PLXDC2: variants seen among roughly 807,000 people sequenced by gnomAD.
PLXDC2 encodes the protein plexin domain containing 2.
PLXDC2 carries 40 observed loss-of-function variants against 68.9 expected under a neutral mutation model. The observed-to-expected ratio is 0.58, with a 90% confidence interval of 0.45 to 0.76. The LOEUF (loss-of-function observed/expected upper bound fraction) is 0.76, where lower values mean the gene tolerates loss of function less well. Among genes scored for constraint, PLXDC2 ranks in the 30% least tolerant of loss-of-function variants. The pLI is 0.00. For missense variants in PLXDC2, 644 were observed against 661.9 expected (o/e 0.97, Z 0.30); for synonymous variants, 243 against 234.2 (o/e 1.04, Z -0.34).
At chr10:20,020,771 C>A (rs983632454) in intron 2 of PLXDC2, among the ~76,000 whole-genome samples, 34 of 152,120 alleles carry the variant, frequency 2.2e-4, no homozygotes, top group African/African-American at 8.2e-4. Flanking sequence ...ACATTAATGC[C>A]TGATGAGAAA....
chr10:19,931,391 C>A (rs1016405985), intron 1 of PLXDC2, among the ~76,000 whole-genome samples: 1 of 152,168 alleles, frequency 6.6e-6, no homozygotes, highest in Non-Finnish European at 1.5e-5. Flanking sequence ...AAGCTTCAGC[C>A]CAACAGCTGT....
At chr10:19,818,367 G>A (rs1836398189) in intron 1 of PLXDC2, among the ~76,000 whole-genome samples, 1 of 151,684 alleles carries the variant, frequency 6.6e-6, no homozygotes, top group Non-Finnish European at 1.5e-5. Context: ...GGGATTCCAG[G>A]CAAGGTGAAT....
At chr10:19,967,845 C>T (rs900114123) in intron 1 of PLXDC2, among the ~76,000 whole-genome samples, 1 of 152,170 alleles carries the variant, frequency 6.6e-6, no homozygotes, top group Non-Finnish European at 1.5e-5. Flanking sequence ...ATCAAAGATG[C>T]ATCCTAATTA....
chr10:19,926,720 A>G (rs1342287119), intron 1 of PLXDC2, among the ~76,000 whole-genome samples: 6 of 152,210 alleles, frequency 3.9e-5, no homozygotes, highest in African/African-American at 1.4e-4. Flanking sequence ...CCTTGGAGAA[A>G]TGTATAGAAG....
At chr10:20,262,831 CA>C (rs1348905423) in intron 13 of PLXDC2, among the ~76,000 whole-genome samples, 1 of 152,218 alleles carries the variant, frequency 6.6e-6, no homozygotes, top group Non-Finnish European at 1.5e-5. Context: ...AGGTGGGGCC[CA>C]TTCCCATATC....
intron 2 of PLXDC2, among the ~76,000 whole-genome samples, chr10:20,023,692 T>C (rs550899779): frequency 6.6e-6 from 1 of 152,294 alleles, no homozygotes; most frequent in African/African-American, 2.4e-5. Context: ...TGTGGTATTC[T>C]GTTATAGCAG....
intron 1 of PLXDC2, among the ~76,000 whole-genome samples, chr10:19,914,169 T>G (rs560720229): frequency 6.6e-6 from 1 of 150,838 alleles, no homozygotes; most frequent in African/African-American, 2.4e-5. Flanking sequence ...AAAGAAGGAA[T>G]ACATCAAGTG....
rs568031419 is a variant in PLXDC2 at position 20,128,060 on chromosome 10, A to G, written c.542-15235A>G. Reference sequence around the variant, plus strand: ...CCAGGGGGAACCAACACTCACAAACATGGAAGTGGAATAACTGTCTTCTAG... The same window carrying G: ...CCAGGGGGAACCAACACTCACAAACGTGGAAGTGGAATAACTGTCTTCTAG... On this transcript the variant is annotated intron_variant, in intron 4 of 13. Coordinates refer to ENST00000377252, the MANE Select transcript of PLXDC2 (RefSeq NM_032812.9). 2.6e-5 allele frequency among the ~76,000 whole-genome samples: 4 copies of G among 152,264 alleles called. No individual in the cohort carries two copies. In the East Asian group the frequency reaches 7.7e-4, roughly 29 times the overall value.
intron 6 of PLXDC2, among the ~76,000 whole-genome samples, chr10:20,149,287 G>A (rs1269742932): frequency 7.5e-6 from 1 of 132,766 alleles, no homozygotes; most frequent in Non-Finnish European, 1.5e-5. Flanking sequence ...TGCCCAGGCT[G>A]GAGTGCAATG....
intron 13 of PLXDC2, among the ~76,000 whole-genome samples, chr10:20,250,084 A>G (rs975107691): frequency 5.3e-5 from 8 of 152,092 alleles, no homozygotes; most frequent in African/African-American, 1.9e-4. Flanking sequence ...TTTGACCAAC[A>G]TGGTGAAACC....
chr10:20,199,089 A>G (rs1373190149), intron 9 of PLXDC2, among the ~76,000 whole-genome samples: 1 of 152,094 alleles, frequency 6.6e-6, no homozygotes, highest in African/African-American at 2.4e-5. Flanking sequence ...TAACTAAAAC[A>G]TAGTCAAATA....
At chr10:20,238,668 T>TATATATGTATATATATATATATACACAC (rs760904961) in intron 12 of PLXDC2, among the ~76,000 whole-genome samples, 145 of 96,760 alleles carry the variant, frequency 1.5e-3, no homozygotes, top group African/African-American at 5.2e-3. Flanking sequence ...AAAAAATATA[T>TATATATGTATATATATATATATACACAC]ATATATATGT....
chr10:19,869,474 G>A (rs1490672617), intron 1 of PLXDC2, among the ~76,000 whole-genome samples: 3 of 126,368 alleles, frequency 2.4e-5, no homozygotes, highest in Non-Finnish European at 5.1e-5. Context: ...AGAAAGGGGG[G>A]GGGGGGAGAG....
intron 1 of PLXDC2, among the ~76,000 whole-genome samples, chr10:19,980,183 T>A (rs1378571580): frequency 1.3e-5 from 2 of 152,194 alleles, no homozygotes; most frequent in African/African-American, 2.4e-5. Context: ...AAGATGTTCT[T>A]GTTTGTTTGA....
At chr10:20,239,421 T>C (rs1172779045) in intron 12 of PLXDC2, among the ~76,000 whole-genome samples, 2 of 152,182 alleles carry the variant, frequency 1.3e-5, no homozygotes, top group Non-Finnish European at 2.9e-5. Flanking sequence ...TCTGCATGGC[T>C]GGGGAGGCCT....
chr10:20,082,076 A>AAAAAAAG (rs1836576729), intron 4 of PLXDC2, among the ~76,000 whole-genome samples: 1 of 149,730 alleles, frequency 6.7e-6, no homozygotes, highest in African/African-American at 2.4e-5. Context: ...AAAAAAAAAA[A>AAAAAAAG]CAGGAGAAGT....
chr10:20,256,672 T>A (rs969763305), intron 13 of PLXDC2, among the ~76,000 whole-genome samples: 1 of 152,124 alleles, frequency 6.6e-6, no homozygotes, highest in African/African-American at 2.4e-5. Context: ...TTTCCTTTTT[T>A]TTTTTCTCAG....
At chr10:20,106,628 C>T (rs892400069) in intron 4 of PLXDC2, among the ~76,000 whole-genome samples, 1 of 152,082 alleles carries the variant, frequency 6.6e-6, no homozygotes, top group Non-Finnish European at 1.5e-5. Context: ...TCAAAGGAGC[C>T]ATATTCTTTA....
chr10:19,914,220 T>G (rs1201836784), intron 1 of PLXDC2, among the ~76,000 whole-genome samples: 2 of 152,118 alleles, frequency 1.3e-5, no homozygotes, highest in African/African-American at 2.4e-5. Context: ...TCATTTCTTC[T>G]TTTATGTAGA....
Sources: gnomAD v4.1 joint callset for allele counts (sites outside exome capture counted in the v4.1 genomes callset) on GRCh38, gnomAD v4.1.1 for gene constraint, MANE v1.5 for transcripts, NCBI Gene and HGNC (gene_info 2026-07-23, HGNC 2026-07-21) for gene names.